The following ZNF804A variants were observed in gnomAD, a reference collection of about 807,000 sequenced individuals.
ZNF804A encodes the protein zinc finger protein 804A.
In ZNF804A, 2 loss-of-function variants were observed where a neutral mutation model predicts 16.5. The ratio of observed to expected loss-of-function variants is 0.12; its 90% CI spans 0.05 to 0.38. The LOEUF is 0.38. Ranked by LOEUF, ZNF804A falls within the 10% of genes least tolerant of loss-of-function variation. ZNF804A has a pLI of 0.99. For missense variants in ZNF804A, 1,473 were observed against 1,390.7 expected (o/e 1.06, Z -0.94); for synonymous variants, 534 against 489.6 (o/e 1.09, Z -1.20).
chr2:184,682,955 C>A (rs1559125473), intron 1 of ZNF804A, among the ~76,000 whole-genome samples: 3 of 152,184 alleles, frequency 2.0e-5, no homozygotes, highest in African/African-American at 7.2e-5. Context: ...CTGCAGTGAG[C>A]TGTGATTGTG....
chr2:184,712,866 A>G (rs1198496090), intron 1 of ZNF804A, among the ~76,000 whole-genome samples: 1 of 151,660 alleles, frequency 6.6e-6, no homozygotes, highest in Admixed American at 6.6e-5. Flanking sequence ...GCTTCTTTGC[A>G]TAGTTTCTGC....
At position 184,837,704 on chromosome 2, in the gene ZNF804A, A is replaced by G. The variant is rs150894492; in HGVS notation, c.112-28665A>G. Among the ~76,000 whole-genome samples, 55 of 152,248 alleles carry G rather than the reference A, an allele frequency of 3.6e-4. No homozygotes were observed. The East Asian group carries it at 0.01, about 28-fold the overall frequency. On this transcript the variant is annotated intron_variant, in intron 1 of 3. Transcript: ENST00000302277. ...ATTATGATCTATCATTTTATTTAGT[A>G]TTTACTTATAGATGCTTAATTTTAT...
chr2:184,828,541 C>A (rs1352473127), intron 1 of ZNF804A, among the ~76,000 whole-genome samples: 1 of 151,304 alleles, frequency 6.6e-6, no homozygotes, highest in African/African-American at 2.4e-5. Context: ...AGATTATATA[C>A]CTTCCCCCTC....
intron 1 of ZNF804A, among the ~76,000 whole-genome samples, chr2:184,755,072 G>T (rs1385083695): frequency 1.3e-5 from 2 of 151,938 alleles, no homozygotes; most frequent in East Asian, 3.9e-4. Context: ...GGGACAAAGA[G>T]CCAAACCATA....
chr2:184,808,089 AATATTTACTGAT>A (rs1316021590), intron 1 of ZNF804A, among the ~76,000 whole-genome samples: 3 of 151,666 alleles, frequency 2.0e-5, no homozygotes, highest in African/African-American at 4.8e-5. Context: ...ATTCAATATT[AATATTTACTGAT>A]AATATAAGAC....
chr2:184,892,682 C>T (rs1685006584), intron 2 of ZNF804A, among the ~76,000 whole-genome samples: 1 of 151,968 alleles, frequency 6.6e-6, no homozygotes, highest in African/African-American at 2.4e-5. Context: ...CAGGGTTTCG[C>T]CTGTTGGCCA....
chr2:184,730,771 A>G (rs1693500542), intron 1 of ZNF804A, among the ~76,000 whole-genome samples: 1 of 151,352 alleles, frequency 6.6e-6, no homozygotes, highest in East Asian at 1.9e-4. Context: ...TTGTCTATTC[A>G]CTTACTAAAG....
intron 1 of ZNF804A, among the ~76,000 whole-genome samples, chr2:184,702,974 CT>C (rs1423489529): frequency 6.6e-6 from 1 of 152,044 alleles, no homozygotes; most frequent in African/African-American, 2.4e-5. Context: ...AATATCTGGG[CT>C]TTTAATGTCT....
At chr2:184,675,214 A>G (rs1692402293) in intron 1 of ZNF804A, among the ~76,000 whole-genome samples, 1 of 151,842 alleles carries the variant, frequency 6.6e-6, no homozygotes, top group African/African-American at 2.4e-5. Context: ...ACACATATAT[A>G]TTAGGAACAT....
intron 1 of ZNF804A, among the ~76,000 whole-genome samples, chr2:184,673,243 A>G (rs1406054585): frequency 1.3e-5 from 2 of 152,254 alleles, no homozygotes; most frequent in East Asian, 3.9e-4. Flanking sequence ...AGGGATAGAC[A>G]TTGCTTGTGT....
intron 1 of ZNF804A, among the ~76,000 whole-genome samples, chr2:184,839,255 T>C (rs1302315726): frequency 6.6e-6 from 1 of 152,086 alleles, no homozygotes; most frequent in African/African-American, 2.4e-5. Context: ...GCTACATGTA[T>C]ACATGCCAAT....
intron 1 of ZNF804A, among the ~76,000 whole-genome samples, chr2:184,845,851 G>A (rs764319548): frequency 6.6e-5 from 10 of 151,964 alleles, no homozygotes; most frequent in Non-Finnish European, 4.4e-5. Context: ...ATTGGGCCAC[G>A]GTCAGCCTAT....
At chr2:184,727,296 T>C (rs549235769) in intron 1 of ZNF804A, among the ~76,000 whole-genome samples, 2 of 151,570 alleles carry the variant, frequency 1.3e-5, no homozygotes, top group Non-Finnish European at 3.0e-5. Flanking sequence ...ATTCATTAAG[T>C]AAATAGTGGA....
At chr2:184,926,915 T>C (rs1278822450) in intron 2 of ZNF804A, among the ~76,000 whole-genome samples, 1 of 152,186 alleles carries the variant, frequency 6.6e-6, no homozygotes, top group Non-Finnish European at 1.5e-5. Flanking sequence ...TTCTTTCTTA[T>C]CATCAATATT....
At chr2:184,909,803 A>T (rs1207109845) in intron 2 of ZNF804A, among the ~76,000 whole-genome samples, 1 of 152,040 alleles carries the variant, frequency 6.6e-6, no homozygotes, top group East Asian at 1.9e-4. Flanking sequence ...ACTGAGGAAT[A>T]GGCAGTATAT....
chr2:184,722,077 T>C (rs1232060946), intron 1 of ZNF804A, among the ~76,000 whole-genome samples: 1 of 151,886 alleles, frequency 6.6e-6, no homozygotes, highest in Admixed American at 6.6e-5. Context: ...CACTACACTC[T>C]GAGAAGAGTG....
intron 1 of ZNF804A, among the ~76,000 whole-genome samples, chr2:184,791,646 A>G (rs1007852171): frequency 4.6e-5 from 7 of 152,140 alleles, no homozygotes; most frequent in African/African-American, 1.7e-4. Context: ...CAATGTTCCA[A>G]ACCAGTGTTA....
chr2:184,615,669 A>T (rs1302069634), intron 1 of ZNF804A, among the ~76,000 whole-genome samples: 3 of 142,990 alleles, frequency 2.1e-5, no homozygotes, highest in African/African-American at 9.1e-5. Flanking sequence ...ATTTTTGGCT[A>T]TTTTTTTAAC....
intron 1 of ZNF804A, among the ~76,000 whole-genome samples, chr2:184,682,425 T>G (rs1220512618): frequency 6.6e-6 from 1 of 152,224 alleles, no homozygotes; most frequent in Non-Finnish European, 1.5e-5. Context: ...TACTTCCAGT[T>G]ATACAATCAG....
Sources: allele counts gnomAD v4.1 joint callset (sites outside exome capture counted in the v4.1 genomes callset), GRCh38; gene constraint gnomAD v4.1.1; transcripts MANE v1.5; gene names NCBI Gene and HGNC (gene_info 2026-07-23, HGNC 2026-07-21).